GFPT1: variants seen among roughly 807,000 people sequenced by gnomAD.
GFPT1 encodes glutamine--fructose-6-phosphate transaminase 1.
A neutral mutation model predicts 92.0 loss-of-function variants in GFPT1; 40 were observed. That is an observed-to-expected ratio of 0.43 (90% confidence interval 0.34 to 0.57). GFPT1 has a LOEUF of 0.57. GFPT1 is among the 20% of genes least tolerant of loss of function. GFPT1 has a pLI of 0.02. For missense variants in GFPT1, 448 were observed against 869.1 expected (o/e 0.52, Z 6.09); for synonymous variants, 269 against 280.6 (o/e 0.96, Z 0.41).
intron 12 of GFPT1, among the ~76,000 whole-genome samples, chr2:69,343,693 T>C (rs888990284): frequency 2.6e-5 from 4 of 151,930 alleles, no homozygotes; most frequent in Non-Finnish European, 4.4e-5. Context: ...ATTACAGGTG[T>C]CAGCCACCAC....
At chr2:69,363,709 T>C (rs1355948253) in intron 3 of GFPT1, 39 bp from the exon 4 acceptor site, 2 of 1,416,164 alleles carry the variant, frequency 1.4e-6, no homozygotes, top group Admixed American at 1.7e-5. Context: ...TATTAAATCA[T>C]GCTGCAGAGA....
chr2:69,336,024 C>A (rs1315416185), intron 15 of GFPT1, among the ~76,000 whole-genome samples: 8 of 127,478 alleles, frequency 6.3e-5, no homozygotes, highest in Non-Finnish European at 9.8e-5. Context: ...GAGGAGAGAC[C>A]CTGTCTCCAA....
intron 1 of GFPT1, among the ~76,000 whole-genome samples, chr2:69,377,842 T>C (rs538138779): frequency 1.3e-3 from 196 of 152,294 alleles, no homozygotes; most frequent in Non-Finnish European, 2.3e-3. Context: ...CCGGGTTAAC[T>C]GTAATCTTGG....
intron 2 of GFPT1, among the ~76,000 whole-genome samples, chr2:69,373,041 C>T (rs1189469218): frequency 6.6e-6 from 1 of 152,198 alleles, no homozygotes; most frequent in Non-Finnish European, 1.5e-5. Flanking sequence ...GCCTATGTGA[C>T]CAACCCCCAA....
intron 5 of GFPT1, 32 bp from the exon 6 acceptor site, chr2:69,358,495 A>G (rs1464260320): frequency 6.9e-7 from 1 of 1,450,318 alleles, no homozygotes; most frequent in Non-Finnish European, 9.6e-7. Flanking sequence ...AGATACAATT[A>G]AAGAAATATT....
chr2:69,368,790 T>C (rs144158209), intron 3 of GFPT1, among the ~76,000 whole-genome samples: 2 of 152,194 alleles, frequency 1.3e-5, no homozygotes, highest in Non-Finnish European at 2.9e-5. Context: ...ATGCTGACAT[T>C]GAAAAATGGT....
intron 10 of GFPT1, among the ~76,000 whole-genome samples, chr2:69,349,847 C>G (rs972958475): frequency 6.6e-6 from 1 of 152,150 alleles, no homozygotes; most frequent in African/African-American, 2.4e-5. Context: ...AATAAATACA[C>G]TGGAACAAGT....
intron 10 of GFPT1, among the ~76,000 whole-genome samples, chr2:69,348,962 A>G (rs143315751): frequency 1.4e-4 from 22 of 152,194 alleles, no homozygotes; most frequent in African/African-American, 4.6e-4. Context: ...AAGCCATCCT[A>G]AACTCTCACA....
intron 19 of GFPT1, 70 bp from the exon 20 acceptor site, chr2:69,326,303 T>A: frequency 1.1e-6 from 1 of 919,672 alleles, no homozygotes; most frequent in Non-Finnish European, 1.7e-6. Context: ...GTGGTTACTA[T>A]AAGCAAATTA....
intron 1 of GFPT1, among the ~76,000 whole-genome samples, chr2:69,382,978 T>C (rs913431569): frequency 6.6e-6 from 1 of 152,242 alleles, no homozygotes; most frequent in Non-Finnish European, 1.5e-5. Context: ...CAGCAATTTC[T>C]TGAAGGCAAC....
Position 69,323,886 on chromosome 2 carries a change from G to A in GFPT1, c.*2303C>T, listed in dbSNP as rs1447909168. Reference sequence around the variant, plus strand: ...AGACGGGGTTTCACCATGTTGGCCAGGATGGTCTCGATCTCTTGACCTCAT... The same window carrying A: ...AGACGGGGTTTCACCATGTTGGCCAAGATGGTCTCGATCTCTTGACCTCAT... On this transcript the variant is annotated 3_prime_UTR_variant, in exon 20 of 20. Transcript: ENST00000357308. 6.6e-6 allele frequency: 1 copy of A among 152,238 alleles called. No individual in the cohort carries two copies. Among genetic ancestry groups the A allele is most frequent in the Non-Finnish European group, 1.5e-5 (1 of 68,186 alleles). 9.4% of individuals were successfully genotyped at this position (152,238 alleles called of 1,614,324 possible). A position where few individuals can be genotyped will look rare whatever the true frequency, so the allele number is the denominator to read the frequency against.
chr2:69,346,751 G>C (rs1671092306), intron 11 of GFPT1, among the ~76,000 whole-genome samples: 1 of 146,346 alleles, frequency 6.8e-6, no homozygotes, highest in South Asian at 2.1e-4. Context: ...TTTTTTTTTT[G>C]AGACAGGGTC....
At chr2:69,329,523 G>A (rs1237719201) in intron 16 of GFPT1, 99 bp from the exon 17 acceptor site, 2 of 1,025,832 alleles carry the variant, frequency 1.9e-6, no homozygotes, top group Non-Finnish European at 3.0e-6. Context: ...CTATTCCTCT[G>A]TGCTATCAAT....
chr2:69,363,707 C>A, intron 3 of GFPT1, 37 bp from the exon 4 acceptor site: 1 of 1,434,662 alleles, frequency 7.0e-7, no homozygotes, highest in Admixed American at 1.7e-5. Flanking sequence ...AATATTAAAT[C>A]ATGCTGCAGA....
At chr2:69,350,258 T>C (rs961263097) in intron 9 of GFPT1, 75 bp from the exon 10 acceptor site, 19 of 961,710 alleles carry the variant, frequency 2.0e-5, no homozygotes, top group Admixed American at 6.1e-5. Context: ...CATAATATTC[T>C]ATAAAATCAA....
chr2:69,374,049 G>T lies in GFPT1; in HGVS notation c.72C>A (p.Ile24=). 1 of 1,599,812 alleles carries T rather than the reference G, an allele frequency of 6.3e-7. No individual in the cohort carries two copies. Among genetic ancestry groups the T allele is most frequent in the South Asian group, 1.1e-5 (1 of 90,630 alleles). Residue 24 remains isoleucine (I), a synonymous_variant, in exon 2 of 20, where the codon ATC becomes ATA. Coordinates refer to ENST00000357308, the MANE Select transcript of GFPT1 (RefSeq NM_001244710.2). ...TGTACTCCAGTCTCTGAAGGCCTTT[G>T]ATTAGGGTCTCCAGGATTTCTCGTC... is the stretch of plus-strand genomic sequence containing the variant. ...RTRREILETL[I]KGLQRLEYRG...
rs1328994796 is a variant in GFPT1 at position 69,387,139 on chromosome 2, C to T, written c.-68G>A. 4 of 1,482,176 alleles carry T rather than the reference C, an allele frequency of 2.7e-6. No homozygotes were observed. The highest frequency in any genetic ancestry group is 3.6e-6 in the Non-Finnish European group (4 of 1,119,570). The allele number at this position is 1,482,176 out of a possible 1,614,324, so 91.8% of individuals were successfully genotyped here. A position where few individuals can be genotyped will look rare whatever the true frequency, so the allele number is the denominator to read the frequency against. ...GCGGGATCGGGGGTGCACACACGAGCTTCGGTGGGCAATCTGCGGGCTCGG... is the reference window on the plus strand; with the variant it reads ...GCGGGATCGGGGGTGCACACACGAGTTTCGGTGGGCAATCTGCGGGCTCGG... On this transcript the variant is annotated 5_prime_UTR_variant, in exon 1 of 20. Transcript: ENST00000357308.
chr2:69,336,336 C>A (rs59101804), intron 15 of GFPT1, among the ~76,000 whole-genome samples: 2 of 75,498 alleles, frequency 2.6e-5, no homozygotes, highest in African/African-American at 8.4e-5. Flanking sequence ...GAGAGTCTGT[C>A]TCCAAAAAAA....
intron 15 of GFPT1, among the ~76,000 whole-genome samples, chr2:69,335,362 G>A (rs1670770233): frequency 6.6e-6 from 1 of 152,106 alleles, no homozygotes; most frequent in Non-Finnish European, 1.5e-5. Context: ...ATCATAAAAT[G>A]TTGAGGCAAA....
Sources: allele counts gnomAD v4.1 joint callset (sites outside exome capture counted in the v4.1 genomes callset), GRCh38; gene constraint gnomAD v4.1.1; transcripts MANE v1.5; gene names NCBI Gene and HGNC (gene_info 2026-07-23, HGNC 2026-07-21).